Variants in RGS3 observed in about 807,000 individuals in gnomAD.
RGS3 encodes regulator of G-protein signalling 3.
Under a neutral mutation model 132.6 loss-of-function variants are expected in RGS3, and 80 were observed. The ratio of observed to expected loss-of-function variants is 0.60; its 90% CI spans 0.50 to 0.73. RGS3 has a LOEUF of 0.73. RGS3 is among the 30% of genes least tolerant of loss of function. RGS3 has a pLI of 0.00. For missense variants in RGS3, 1,382 were observed against 1,530.8 expected (o/e 0.90, Z 1.62); for synonymous variants, 598 against 620.6 (o/e 0.96, Z 0.54).
At chr9:113,540,237 G>C (rs1832848584) in intron 19 of RGS3, among the ~76,000 whole-genome samples, 1 of 152,070 alleles carries the variant, frequency 6.6e-6, no homozygotes, top group African/African-American at 2.4e-5. Context: ...TTCTAATCTA[G>C]AATAACTCAG....
chr9:113,497,332 T>C (rs1830720399), exon 9 of RGS3: 2 of 1,612,786 alleles, frequency 1.2e-6, no homozygotes, highest in South Asian at 1.1e-5. Flanking sequence ...TGGTTGGTAC[T>C]ACCTCCTAGG....
At chr9:113,541,997 T>A in intron 19 of RGS3, 1 of 339,896 alleles carries the variant, frequency 2.9e-6, no homozygotes, top group Non-Finnish European at 4.2e-6. Context: ...GAGTGAGCGT[T>A]AAATAAGTCA....
chr9:113,594,863 C>T (rs1365299704), intron 22 of RGS3, 56 bp from the exon 21 acceptor site: 4 of 1,557,842 alleles, frequency 2.6e-6, no homozygotes, highest in Admixed American at 3.3e-5. Flanking sequence ...CCCAGCTTCC[C>T]CCAAGGTTCC....
At chr9:113,477,200 A>C (rs1044412107) in intron 3 of RGS3, among the ~76,000 whole-genome samples, 1 of 152,058 alleles carries the variant, frequency 6.6e-6, no homozygotes, top group African/African-American at 2.4e-5. Flanking sequence ...TTATCTGATC[A>C]CAGCTTGGAG....
intron 14 of RGS3, among the ~76,000 whole-genome samples, chr9:113,512,916 G>A (rs904531656): frequency 4.6e-5 from 7 of 152,190 alleles, no homozygotes; most frequent in African/African-American, 1.4e-4. Flanking sequence ...CTGTGCACAG[G>A]CTGGGCATGG....
intron 3 of RGS3, chr9:113,462,310 GGGGT>G: frequency 1.6e-6 from 1 of 622,274 alleles, no homozygotes; most frequent in Non-Finnish European, 2.7e-6. Flanking sequence ...AGAGTGGGGT[GGGGT>G]GGGGGGGTGC....
chr9:113,500,174 C>G (rs796347674), intron 10 of RGS3, among the ~76,000 whole-genome samples: 71 of 152,334 alleles, frequency 4.7e-4, no homozygotes, highest in African/African-American at 1.6e-3. Flanking sequence ...CTTATGTGCT[C>G]AGAGATGTCT....
At chr9:113,569,672 A>G (rs77443726) in intron 19 of RGS3, among the ~76,000 whole-genome samples, 2,004 of 133,192 alleles carry the variant, frequency 0.015, 39 homozygotes, top group African/African-American at 0.056. Flanking sequence ...TTAAGCACCT[A>G]CTGTGTGCCA....
chr9:113,554,851 G>A (rs1157954171), intron 19 of RGS3, among the ~76,000 whole-genome samples: 1 of 151,966 alleles, frequency 6.6e-6, no homozygotes, highest in East Asian at 1.9e-4. Context: ...TTTTTGGGGG[G>A]TTGAGAGCAC....
chr9:113,591,195 C>A lies in RGS3; in HGVS notation c.3016-138C>A. ...GTTCCCAGCAGTGGGGTTTCCCTCCCTCACCTGTGTGCCGCGGGTGGGGGC... is the reference window on the plus strand; with the variant it reads ...GTTCCCAGCAGTGGGGTTTCCCTCCATCACCTGTGTGCCGCGGGTGGGGGC... On this transcript the variant is annotated intron_variant, in intron 20 of 24. Transcript: ENST00000350696. This position sits in a 1 kb window ranked among gnomAD's most constrained non-coding sequence, Gnocchi z 4.4. The A allele has an allele frequency of 1.4e-6, 1 of 715,974 alleles. No individual in the cohort carries two copies. Among genetic ancestry groups the A allele is most frequent in the Non-Finnish European group, 2.4e-6 (1 of 420,784 alleles). The allele number at this position is 715,974 out of a possible 1,614,324, so 44.4% of individuals were successfully genotyped here.
chr9:113,456,892 C>T (rs112820456), upstream of RGS3, among the ~76,000 whole-genome samples: 2,231 of 152,218 alleles, frequency 0.015, 22 homozygotes, highest in Non-Finnish European at 0.022. Flanking sequence ...CCTCTGCCTC[C>T]GGGTTCAAGC....
At position 113,536,754 on chromosome 9, in the gene RGS3, A is replaced by T. The variant is rs1321098379; in HGVS notation, c.1915-42A>T. 28 of 1,601,520 alleles carry T rather than the reference A, an allele frequency of 1.7e-5. 1 individual carries two copies. The South Asian group carries it at 3.0e-4, about 17-fold the overall frequency. On this transcript the variant is annotated intron_variant, in intron 18 of 24. Coordinates refer to ENST00000350696, the Ensembl canonical transcript of RGS3. ...GGCCTGGGAGCCCCCTGAACCAGGGAGCAGCCCTGACCGTCCGTTTCTCTA... is the reference window on the plus strand; with the variant it reads ...GGCCTGGGAGCCCCCTGAACCAGGGTGCAGCCCTGACCGTCCGTTTCTCTA...
At chr9:113,484,077 G>C in intron 5 of RGS3, 61 bp from the exon 4 acceptor site, 2 of 1,008,326 alleles carry the variant, frequency 2.0e-6, no homozygotes, top group South Asian at 1.3e-5. Context: ...TGCAGAGTCA[G>C]CTGCTGGGCT....
chr9:113,479,502 C>T (rs1830093535), exon 4 of RGS3: 1 of 1,614,120 alleles, frequency 6.2e-7, no homozygotes, highest in Non-Finnish European at 8.5e-7. Context: ...TCAGCTGAGG[C>T]TGTCCATTGA....
At chr9:113,499,756 G>A (rs1022590393) in intron 10 of RGS3, among the ~76,000 whole-genome samples, 1 of 152,180 alleles carries the variant, frequency 6.6e-6, no homozygotes, top group African/African-American at 2.4e-5. Flanking sequence ...TGGCTATTGA[G>A]CACTTAGTGG....
chr9:113,518,369 A>T (rs916445170), intron 16 of RGS3, among the ~76,000 whole-genome samples: 1 of 152,188 alleles, frequency 6.6e-6, no homozygotes, highest in East Asian at 1.9e-4. Flanking sequence ...AGATCAGGAA[A>T]CTTGGAGACA....
intron 14 of RGS3, among the ~76,000 whole-genome samples, chr9:113,509,781 C>T (rs1238518511): frequency 2.0e-5 from 3 of 152,026 alleles, no homozygotes; most frequent in South Asian, 2.1e-4. Flanking sequence ...GTGCCTTTTG[C>T]GGGTGTGAAG....
At chr9:113,503,917 A>G (rs1385639435) in intron 10 of RGS3, among the ~76,000 whole-genome samples, 1 of 149,882 alleles carries the variant, frequency 6.7e-6, no homozygotes, top group African/African-American at 2.5e-5. Flanking sequence ...CTTTCTTTCC[A>G]TTTTTTTCTC....
intron 1 of RGS3, among the ~76,000 whole-genome samples, chr9:113,449,574 T>G (rs531085513): frequency 4.6e-4 from 69 of 151,584 alleles, no homozygotes; most frequent in African/African-American, 1.6e-3. Context: ...CCAGAGGGAG[T>G]GTGAGATGGG....
Sources: gnomAD v4.1 joint callset for allele counts (sites outside exome capture counted in the v4.1 genomes callset) on GRCh38, gnomAD v4.1.1 for gene constraint, Gnocchi (gnomAD v3.1) non-coding constraint, MANE v1.5 for transcripts, NCBI Gene and HGNC (gene_info 2026-07-23, HGNC 2026-07-21) for gene names.